Variants in R3HDM2 observed in about 807,000 individuals in gnomAD.
R3HDM2 encodes the protein R3H domain-containing protein 2.
R3HDM2 carries 38 observed loss-of-function variants against 124.5 expected under a neutral mutation model. That is an observed-to-expected ratio of 0.31 (90% CI 0.24 to 0.40). The LOEUF is 0.40. Among genes scored for constraint, R3HDM2 ranks in the 10% least tolerant of loss-of-function variants. R3HDM2 has a pLI of 1.00. For synonymous variants in R3HDM2, 391 were observed against 448.0 expected (o/e 0.87, Z 1.61); for missense variants, 869 against 1,236.9 (o/e 0.70, Z 4.46).
At chr12:57,426,068 A>C (rs140736669) in intron 1 of R3HDM2, among the ~76,000 whole-genome samples, 1 of 152,230 alleles carries the variant, frequency 6.6e-6, no homozygotes, top group Non-Finnish European at 1.5e-5. Context: ...TATCTACTAA[A>C]AATACAAAAA....
chr12:57,409,953 T>G (rs1281198764), intron 1 of R3HDM2, among the ~76,000 whole-genome samples: 1 of 152,118 alleles, frequency 6.6e-6, no homozygotes, highest in Non-Finnish European at 1.5e-5. Flanking sequence ...TGAGAGAATA[T>G]GTAGATTTGT....
intron 1 of R3HDM2, among the ~76,000 whole-genome samples, chr12:57,420,658 A>G (rs1039154909): frequency 1.3e-5 from 2 of 151,334 alleles, no homozygotes; most frequent in African/African-American, 2.4e-5. Flanking sequence ...CCCAGGCTTT[A>G]CTAGTTTTCC....
At chr12:57,378,310 A>G (rs2064360328) in intron 2 of R3HDM2, among the ~76,000 whole-genome samples, 1 of 152,144 alleles carries the variant, frequency 6.6e-6, no homozygotes, top group Admixed American at 6.6e-5. Context: ...AACTATAATC[A>G]AGAGAGCTGT....
rs1314874936 is a variant in R3HDM2, at chr12:57,365,469, G to A, written c.-36+30280C>T. 3.3e-5 allele frequency among the ~76,000 whole-genome samples: 5 copies of A among 152,026 alleles called. No homozygotes were observed. In the East Asian group the frequency reaches 9.6e-4, roughly 29 times the overall value. ...CTATATTTAACATGTTTTATTTTCT[G>A]TCTGCTTTTAAGACTTTATCACTAG... is the stretch of plus-strand genomic sequence containing the variant. On this transcript the variant is annotated intron_variant, in intron 2 of 23. Coordinates refer to ENST00000402412, the MANE Select transcript of R3HDM2 (RefSeq NM_001394031.1).
intron 2 of R3HDM2, among the ~76,000 whole-genome samples, chr12:57,328,282 G>A (rs539296209): frequency 1.3e-5 from 2 of 151,880 alleles, no homozygotes; most frequent in African/African-American, 4.8e-5. Flanking sequence ...GGCTGCTCTC[G>A]AACTACTGAG....
At chr12:57,273,487 T>C (rs528439742) in intron 14 of R3HDM2, among the ~76,000 whole-genome samples, 6 of 152,126 alleles carry the variant, frequency 3.9e-5, no homozygotes, top group Non-Finnish European at 8.8e-5. Flanking sequence ...GGGGGGAAAA[T>C]AACATTGGTA....
At chr12:57,382,191 T>TGCATCCTCAACCTCCTAGGCTCAAG (rs1183488127) in intron 2 of R3HDM2, among the ~76,000 whole-genome samples, 1 of 151,886 alleles carries the variant, frequency 6.6e-6, no homozygotes, top group Non-Finnish European at 1.5e-5. Flanking sequence ...CGTGGCTCAC[T>TGCATCCTCAACCTCCTAGGCTCAAG]GCATCCTCAA....
chr12:57,375,040 C>A (rs1282128788), intron 2 of R3HDM2, among the ~76,000 whole-genome samples: 1 of 150,926 alleles, frequency 6.6e-6, no homozygotes, highest in African/African-American at 2.4e-5. Context: ...AAGTGACATT[C>A]ACATAAAATT....
intron 2 of R3HDM2, among the ~76,000 whole-genome samples, chr12:57,353,583 A>ATT (rs1360037709): frequency 6.6e-6 from 1 of 151,976 alleles, no homozygotes; most frequent in African/African-American, 2.4e-5. Flanking sequence ...TTTATTATTT[A>ATT]TTTTTATTTT....
chr12:57,420,169 G>C (rs537097224), intron 1 of R3HDM2, among the ~76,000 whole-genome samples: 1 of 152,104 alleles, frequency 6.6e-6, no homozygotes, highest in African/African-American at 2.4e-5. Context: ...CTGTTATCAT[G>C]GCTCTGTATT....
intron 1 of R3HDM2, among the ~76,000 whole-genome samples, chr12:57,429,560 A>G (rs1869114129): frequency 6.6e-6 from 1 of 152,130 alleles, no homozygotes; most frequent in East Asian, 1.9e-4. Flanking sequence ...CGTCTCTACA[A>G]AAATCAGCCA....
intron 1 of R3HDM2, among the ~76,000 whole-genome samples, chr12:57,417,334 G>A (rs1169164111): frequency 2.8e-5 from 4 of 145,078 alleles, no homozygotes; most frequent in Non-Finnish European, 4.5e-5. Flanking sequence ...GCAGTGAGTA[G>A]AAATCCCGCC....
chr12:57,375,679 T>C (rs1428539546), intron 2 of R3HDM2, among the ~76,000 whole-genome samples: 2 of 151,216 alleles, frequency 1.3e-5, no homozygotes, highest in Non-Finnish European at 3.0e-5. Flanking sequence ...CAGCTGCTTT[T>C]TTTTTTTTTT....
At chr12:57,350,361 A>C (rs1460900009) in intron 2 of R3HDM2, among the ~76,000 whole-genome samples, 1 of 152,176 alleles carries the variant, frequency 6.6e-6, no homozygotes, top group African/African-American at 2.4e-5. Context: ...ATTGTTATTT[A>C]TGTTTAAATT....
chr12:57,348,787 G>A (rs908813560), intron 2 of R3HDM2, among the ~76,000 whole-genome samples: 1 of 151,606 alleles, frequency 6.6e-6, no homozygotes, highest in African/African-American at 2.4e-5. Flanking sequence ...GGAAGCTAGG[G>A]CAGGAAGATC....
At chr12:57,378,694 A>C (rs2064415580) in intron 2 of R3HDM2, among the ~76,000 whole-genome samples, 2 of 152,062 alleles carry the variant, frequency 1.3e-5, no homozygotes, top group African/African-American at 4.8e-5. Flanking sequence ...CTTCTCACTA[A>C]AGTCTAAGTT....
At chr12:57,420,657 T>TA (rs1292450307) in intron 1 of R3HDM2, among the ~76,000 whole-genome samples, 1 of 151,944 alleles carries the variant, frequency 6.6e-6, no homozygotes, top group Non-Finnish European at 1.5e-5. Flanking sequence ...GCCCAGGCTT[T>TA]ACTAGTTTTC....
chr12:57,398,494 CT>C (rs988085269), intron 1 of R3HDM2, among the ~76,000 whole-genome samples: 146 of 145,236 alleles, frequency 1.0e-3, no homozygotes, highest in Non-Finnish European at 1.0e-3. Context: ...CTTTCTCTCT[CT>C]TTTTTTTTTT....
chr12:57,370,832 T>C (rs971500325), intron 2 of R3HDM2, among the ~76,000 whole-genome samples: 1 of 152,028 alleles, frequency 6.6e-6, no homozygotes, highest in Non-Finnish European at 1.5e-5. Flanking sequence ...AACAAGCTAA[T>C]GTCAGGACAG....
Sources: gnomAD v4.1 joint callset for allele counts (sites outside exome capture counted in the v4.1 genomes callset) on GRCh38, gnomAD v4.1.1 for gene constraint, MANE v1.5 for transcripts, NCBI Gene and HGNC (gene_info 2026-07-23, HGNC 2026-07-21) for gene names.